UBE2H: variants seen among roughly 807,000 people sequenced by gnomAD.
UBE2H encodes ubiquitin-conjugating enzyme E2 H.
UBE2H carries 3 observed loss-of-function variants against 29.0 expected under a neutral mutation model. The ratio of observed to expected loss-of-function variants is 0.10; its 90% CI spans 0.05 to 0.27. UBE2H has a LOEUF of 0.27. UBE2H is among the 10% of genes least tolerant of loss of function. The pLI is 1.00. For missense variants in UBE2H, 68 were observed against 228.2 expected, an observed-to-expected ratio of 0.30 and a Z score of 4.52; for synonymous variants, 69 against 82.9, an observed-to-expected ratio of 0.83 and a Z score of 0.91.
intron 1 of UBE2H, among the ~76,000 whole-genome samples, chr7:129,939,294 C>T (rs1807594756): frequency 6.6e-6 from 1 of 152,204 alleles, no homozygotes; most frequent in Non-Finnish European, 1.5e-5. Context: ...CTGCTTCAGC[C>T]TTCCCAGTAG....
chr7:129,898,549 A>G (rs1012072360), intron 1 of UBE2H, among the ~76,000 whole-genome samples: 1 of 152,238 alleles, frequency 6.6e-6, no homozygotes, highest in African/African-American at 2.4e-5. Context: ...ATTTAGCAAA[A>G]CAACAGAAAA....
At chr7:129,910,225 A>G (rs561778692) in intron 1 of UBE2H, among the ~76,000 whole-genome samples, 3 of 152,146 alleles carry the variant, frequency 2.0e-5, no homozygotes, top group African/African-American at 7.2e-5. Context: ...GCTACTCAAG[A>G]GGCTGAGGCA....
At chr7:129,900,361 CAT>C (rs921349473) in intron 1 of UBE2H, among the ~76,000 whole-genome samples, 35 of 152,098 alleles carry the variant, frequency 2.3e-4, no homozygotes, top group African/African-American at 7.7e-4. Context: ...TGCTAAAAGC[CAT>C]AGAGTTTACC....
At chr7:129,895,361 C>A (rs1383091127) in intron 1 of UBE2H, among the ~76,000 whole-genome samples, 1 of 152,244 alleles carries the variant, frequency 6.6e-6, no homozygotes, top group East Asian at 1.9e-4. Context: ...GCAGGAAGAA[C>A]CTTGTCATTC....
intron 5 of UBE2H, among the ~76,000 whole-genome samples, chr7:129,849,050 T>TA (rs1190970503): frequency 3.3e-5 from 5 of 152,230 alleles, no homozygotes; most frequent in Admixed American, 3.3e-4. Context: ...CTGCTTGCAG[T>TA]CTGTAAACAT....
intron 1 of UBE2H, among the ~76,000 whole-genome samples, chr7:129,922,277 C>T (rs778593554): frequency 2.0e-5 from 3 of 148,926 alleles, no homozygotes; most frequent in African/African-American, 2.5e-5. Flanking sequence ...CATGAGCCAC[C>T]GTGCCTGGCC....
chr7:129,858,839 C>T (rs1584748361), intron 4 of UBE2H, 63 bp downstream of exon 4: 1 of 1,488,406 alleles, frequency 6.7e-7, no homozygotes, highest in East Asian at 2.3e-5. Context: ...TTTTATAACA[C>T]AGAGAAACAC....
At chr7:129,952,290 C>G (rs955080995) in intron 1 of UBE2H, among the ~76,000 whole-genome samples, 9 of 152,000 alleles carry the variant, frequency 5.9e-5, no homozygotes, top group Non-Finnish European at 1.0e-4. Flanking sequence ...CGAGCAGCAA[C>G]GCGTATTTCG....
intron 5 of UBE2H, among the ~76,000 whole-genome samples, chr7:129,854,057 T>C (rs1026340056): frequency 7.0e-6 from 1 of 141,878 alleles, no homozygotes; most frequent in South Asian, 2.2e-4. Flanking sequence ...TTATTTAGTG[T>C]TAGTTTTTTT....
Position 129,909,642 on chromosome 7 carries a change from C to G in UBE2H, c.54-28671G>C, listed in dbSNP as rs944166912. On this transcript the variant is annotated intron_variant, in intron 1 of 6. Transcript: ENST00000355621. The stretch of plus-strand genomic sequence containing the variant: ...AGGCTGAGGTGGGAGGATCACTTGA[C>G]CCTAGGAGTTCAAGACCTGCCTAGA... Among the ~76,000 whole-genome samples the G allele has an allele frequency of 3.3e-5, 5 of 151,766 alleles. No homozygotes were observed. In the Middle Eastern group the frequency reaches 0.01, roughly 312 times the overall value.
chr7:129,904,517 T>C (rs562523446), intron 1 of UBE2H, among the ~76,000 whole-genome samples: 2 of 152,336 alleles, frequency 1.3e-5, no homozygotes, highest in South Asian at 4.1e-4. Flanking sequence ...CCTCATTCTA[T>C]TGTCTATTTC....
chr7:129,952,639 G>C lies in UBE2H; in HGVS notation c.-84C>G. 6.5e-7 allele frequency: 1 copy of C among 1,529,360 alleles called. No homozygotes were observed. The highest frequency in any genetic ancestry group is 8.8e-7 in the Non-Finnish European group (1 of 1,134,444). The allele number at this position is 1,529,360 out of a possible 1,614,324, so 94.7% of individuals were successfully genotyped here. A position where few individuals can be genotyped will look rare whatever the true frequency, so the allele number is the denominator to read the frequency against. On this transcript the variant is annotated 5_prime_UTR_variant, in exon 1 of 7. Transcript: ENST00000355621. ...GCTCTGAGGAGCCCGCGGCCGCGCC[G>C]GCTCCTCGGTGGAGGTGGCAACACC...
At chr7:129,855,588 T>C (rs1457029871) in intron 5 of UBE2H, among the ~76,000 whole-genome samples, 5 of 152,214 alleles carry the variant, frequency 3.3e-5, no homozygotes, top group Non-Finnish European at 5.9e-5. Context: ...GAACCCTTAT[T>C]GTGCACCAGG....
At chr7:129,839,571 C>T (rs1487138195) in intron 5 of UBE2H, 2 of 416,832 alleles carry the variant, frequency 4.8e-6, no homozygotes, top group African/African-American at 2.1e-5. Flanking sequence ...CTTTGAAGGA[C>T]AATTTTCCCA....
At chr7:129,874,689 G>A (rs1390749984) in intron 3 of UBE2H, among the ~76,000 whole-genome samples, 1 of 151,974 alleles carries the variant, frequency 6.6e-6, no homozygotes, top group African/African-American at 2.4e-5. Context: ...ATGATTATTA[G>A]CTCTAAAGAG....
chr7:129,887,005 T>C (rs1054919892), intron 1 of UBE2H, among the ~76,000 whole-genome samples: 3 of 152,112 alleles, frequency 2.0e-5, no homozygotes, highest in African/African-American at 7.2e-5. Flanking sequence ...TTGAATCCTA[T>C]GTTAATGATC....
chr7:129,914,415 C>T (rs1807003127), intron 1 of UBE2H, among the ~76,000 whole-genome samples: 1 of 152,140 alleles, frequency 6.6e-6, no homozygotes, highest in Non-Finnish European at 1.5e-5. Context: ...GACCCACACA[C>T]CTTGGCCTCC....
In UBE2H at chr7:129,880,309, C is replaced by G. The variant is rs565572889; in HGVS notation, c.130+586G>C. 5.3e-5 allele frequency among the ~76,000 whole-genome samples: 8 copies of G among 152,264 alleles called. No individual in the cohort carries two copies. The East Asian group carries it at 1.5e-3, about 29-fold the overall frequency. On this transcript the variant is annotated intron_variant, in intron 2 of 6. Coordinates refer to ENST00000355621, the MANE Select transcript of UBE2H (RefSeq NM_003344.4). ...ATCACCTGAGGTCAGGAGTGCGAGA[C>G]CAGCCTGGCCAACATGGTGAAACCC... is the stretch of plus-strand genomic sequence containing the variant.
At chr7:129,917,674 G>A (rs918572192) in intron 1 of UBE2H, among the ~76,000 whole-genome samples, 6 of 152,168 alleles carry the variant, frequency 3.9e-5, no homozygotes, top group Non-Finnish European at 8.8e-5. Flanking sequence ...ATTTTAGAGA[G>A]AGCAGGGAAG....
Sources: allele counts gnomAD v4.1 joint callset (sites outside exome capture counted in the v4.1 genomes callset), GRCh38; gene constraint gnomAD v4.1.1; transcripts MANE v1.5; gene names NCBI Gene and HGNC (gene_info 2026-07-23, HGNC 2026-07-21).